The following KIF5C variants were observed in gnomAD, a reference collection of about 807,000 sequenced individuals.
KIF5C encodes kinesin heavy chain isoform 5C.
A neutral mutation model predicts 125.2 loss-of-function variants in KIF5C; 18 were observed. The observed-to-expected ratio is 0.14, with a 90% CI of 0.10 to 0.21. KIF5C has a LOEUF of 0.21. Among genes scored for constraint, KIF5C ranks in the 10% least tolerant of loss-of-function variants. The probability of loss-of-function intolerance (pLI) is 1.00; values close to 1 mark genes in which losing one functional copy is unlikely to be tolerated. For synonymous variants in KIF5C, 405 were observed against 434.0 expected (o/e 0.93, Z 0.83); for missense variants, 780 against 1,183.8 (o/e 0.66, Z 5.01).
At chr2:148,935,222 G>C (rs1228442499) in intron 3 of KIF5C, among the ~76,000 whole-genome samples, 1 of 152,218 alleles carries the variant, frequency 6.6e-6, no homozygotes, top group African/African-American at 2.4e-5. Context: ...GGCAAACAAA[G>C]AGATGTCAGC....
At chr2:148,986,976 G>C (rs992324366) in intron 15 of KIF5C, among the ~76,000 whole-genome samples, 1 of 152,182 alleles carries the variant, frequency 6.6e-6, no homozygotes, top group Non-Finnish European at 1.5e-5. Context: ...TGGTGGCACT[G>C]AACTGTCAAC....
intron 1 of KIF5C, among the ~76,000 whole-genome samples, chr2:148,921,619 C>T (rs1245175219): frequency 6.6e-6 from 1 of 152,216 alleles, no homozygotes; most frequent in Non-Finnish European, 1.5e-5. Context: ...CTTCCCGATC[C>T]TGTAAAGATA....
At chr2:148,956,252 T>C (rs1682789450) in intron 10 of KIF5C, among the ~76,000 whole-genome samples, 1 of 151,804 alleles carries the variant, frequency 6.6e-6, no homozygotes, top group East Asian at 1.9e-4. Flanking sequence ...GCTTCTGAAA[T>C]GTAAACTGCA....
intron 11 of KIF5C, among the ~76,000 whole-genome samples, chr2:148,969,579 G>T (rs80022399): frequency 0.021 from 3,122 of 152,168 alleles, 96 homozygotes; most frequent in African/African-American, 0.065. Flanking sequence ...TGCAAAGAGG[G>T]AGACTCAAAA....
chr2:148,999,056 G>A (rs1258070619), intron 19 of KIF5C, among the ~76,000 whole-genome samples: 1 of 152,164 alleles, frequency 6.6e-6, no homozygotes, highest in Non-Finnish European at 1.5e-5. Flanking sequence ...AGGTGCCAGT[G>A]ACCTGTGGCA....
rs1366450926 is a variant in KIF5C at position 149,024,665 on chromosome 2, G to A, written c.*1595G>A. The A allele has an allele frequency of 6.6e-6, 1 of 152,456 alleles. No homozygotes were observed. Among genetic ancestry groups the A allele is most frequent in the East Asian group, 1.9e-4 (1 of 5,182 alleles). 9.4% of individuals were successfully genotyped at this position (152,456 alleles called of 1,614,324 possible). On this transcript the variant is annotated 3_prime_UTR_variant, in exon 26 of 26. Coordinates refer to ENST00000435030, the MANE Select transcript of KIF5C (RefSeq NM_004522.3). ...CTTTGACTTAATTTATTTGTTAAAT[G>A]TTGCACTTTGTTTATGTATGTTTTG... is the stretch of plus-strand genomic sequence containing the variant.
chr2:148,970,560 C>G (rs989287537), intron 11 of KIF5C, among the ~76,000 whole-genome samples: 4 of 152,232 alleles, frequency 2.6e-5, no homozygotes, highest in African/African-American at 9.6e-5. Flanking sequence ...TGCCATAGCA[C>G]TGGAGATGAG....
At chr2:149,007,088 C>T (rs1381907005) in intron 22 of KIF5C, among the ~76,000 whole-genome samples, 1 of 152,164 alleles carries the variant, frequency 6.6e-6, no homozygotes, top group Non-Finnish European at 1.5e-5. Context: ...CATACCCCAC[C>T]CCAGGTCCAC....
chr2:148,877,661 T>C (rs1052509311), intron 1 of KIF5C, among the ~76,000 whole-genome samples: 2 of 152,180 alleles, frequency 1.3e-5, no homozygotes, highest in East Asian at 3.8e-4. Flanking sequence ...TACTGGAACA[T>C]GTTCTGGCAA....
chr2:148,992,955 T>A (rs1273257334), intron 16 of KIF5C, among the ~76,000 whole-genome samples: 1 of 152,220 alleles, frequency 6.6e-6, no homozygotes, highest in East Asian at 1.9e-4. Flanking sequence ...CCCCATGGCC[T>A]GCAGCCCACC....
At chr2:148,916,585 C>G (rs1217978922) in intron 1 of KIF5C, among the ~76,000 whole-genome samples, 2 of 151,916 alleles carry the variant, frequency 1.3e-5, no homozygotes, top group Non-Finnish European at 2.9e-5. Flanking sequence ...TAGGGGATAA[C>G]TGCTTGGTAA....
chr2:148,887,173 A>C (rs1416689018), intron 1 of KIF5C, among the ~76,000 whole-genome samples: 2 of 152,248 alleles, frequency 1.3e-5, no homozygotes, highest in African/African-American at 4.8e-5. Context: ...TATTCATTAC[A>C]TGTTGAAATG....
chr2:149,019,100 T>A (rs1461219505), intron 25 of KIF5C, among the ~76,000 whole-genome samples: 4 of 152,196 alleles, frequency 2.6e-5, no homozygotes, highest in African/African-American at 9.7e-5. Context: ...GCAGCTGGAT[T>A]CCCCCAGCTG....
Position 148,994,465 on chromosome 2 carries a change from G to A in KIF5C, c.1950G>A (p.Met650Ile). 2 of 1,576,732 alleles carry A rather than the reference G, an allele frequency of 1.3e-6. No homozygotes were observed. Among genetic ancestry groups the A allele is most frequent in the African/African-American group, 1.3e-5 (1 of 74,088 alleles). ...CTCTGACAGACTACATGCAGAACAT[G>A]GAACAGAAGAGGAGGCAGCTAGAAG... ...IKSLTDYMQN[M>I]EQKRRQLEES... is the part of the protein sequence containing the mutation. The change falls in exon 17 of 26, where the codon ATG (methionine) becomes ATA (isoleucine). Residue 650 changes from methionine to isoleucine, a missense_variant. Coordinates refer to ENST00000435030, the MANE Select transcript of KIF5C (RefSeq NM_004522.3).
chr2:148,897,968 G>T (rs1370099053), intron 1 of KIF5C, among the ~76,000 whole-genome samples: 1 of 132,920 alleles, frequency 7.5e-6, no homozygotes, highest in African/African-American at 2.8e-5. Context: ...ATCATCCTGT[G>T]TGCTCCAGGG....
chr2:148,891,389 T>C (rs1304727926), intron 1 of KIF5C, among the ~76,000 whole-genome samples: 2 of 152,088 alleles, frequency 1.3e-5, no homozygotes, highest in African/African-American at 4.8e-5. Flanking sequence ...GCTTCTTCTT[T>C]TTTTTTTTAT....
At chr2:148,889,625 C>G (rs919817132) in intron 1 of KIF5C, among the ~76,000 whole-genome samples, 2 of 152,222 alleles carry the variant, frequency 1.3e-5, no homozygotes, top group Non-Finnish European at 2.9e-5. Flanking sequence ...TAGCAGCACC[C>G]ATGGGGATCC....
chr2:148,875,728 G>T lies in KIF5C; in HGVS notation c.111G>T (p.Glu37Asp). 1.2e-6 allele frequency: 2 copies of T among 1,604,940 alleles called. No homozygotes were observed. Among genetic ancestry groups the T allele is most frequent in the Non-Finnish European group, 8.5e-7 (1 of 1,176,240 alleles). Residue 37 changes from glutamate (E) to aspartate (D), a missense_variant, in exon 1 of 26, where the codon GAG becomes GAT. By Grantham distance (45) the Glu-to-Asp change is conservative (BLOSUM62 2). Transcript: ENST00000435030. ...TCATCCCCAAATTTAAAGGCGATGA[G>T]ACCGTGGTGATCGGGGTAAGTGGCT... ...DKFIPKFKGDETVVIGQGKPY... is the reference protein window; with the variant it reads ...DKFIPKFKGDDTVVIGQGKPY...
intron 11 of KIF5C, among the ~76,000 whole-genome samples, chr2:148,971,166 G>A (rs1312904878): frequency 1.3e-5 from 2 of 152,156 alleles, no homozygotes; most frequent in African/African-American, 2.4e-5. Context: ...AGAATTAGAA[G>A]GGAGGGGTGA....
Sources: gnomAD v4.1 joint callset for allele counts (sites outside exome capture counted in the v4.1 genomes callset) on GRCh38, gnomAD v4.1.1 for gene constraint, MANE v1.5 for transcripts, NCBI Gene and HGNC (gene_info 2026-07-23, HGNC 2026-07-21) for gene names.